Variants in ARID1B observed in about 807,000 individuals in gnomAD.
ARID1B encodes AT-rich interaction domain 1B.
Under a neutral mutation model 212.3 loss-of-function variants are expected in ARID1B, and 30 were observed. That is an observed-to-expected ratio of 0.14 (90% CI 0.11 to 0.19). The LOEUF (loss-of-function observed/expected upper bound fraction) is 0.19, where lower values mean the gene tolerates loss of function less well. ARID1B is among the 10% of genes least tolerant of loss of function. The pLI is 1.00. For synonymous variants in ARID1B, 1,402 were observed against 1,301.7 expected (o/e 1.08, Z -1.66); for missense variants, 2,891 against 3,204.0 (o/e 0.90, Z 2.36).
intron 4 of ARID1B, among the ~76,000 whole-genome samples, chr6:156,983,362 T>G (rs909821974): frequency 6.6e-6 from 1 of 152,048 alleles, no homozygotes; most frequent in Non-Finnish European, 1.5e-5. Flanking sequence ...ACCACTACAC[T>G]CCAGCCTGGG....
At chr6:157,192,368 G>A (rs1793442394) in intron 15 of ARID1B, among the ~76,000 whole-genome samples, 2 of 152,050 alleles carry the variant, frequency 1.3e-5, no homozygotes, top group African/African-American at 4.8e-5. Flanking sequence ...GTGTCCTCAT[G>A]CCTAGAATTT....
At chr6:156,971,803 C>T (rs569261335) in intron 4 of ARID1B, among the ~76,000 whole-genome samples, 1 of 152,170 alleles carries the variant, frequency 6.6e-6, no homozygotes, top group African/African-American at 2.4e-5. Context: ...AAGGAGCTCT[C>T]CTGCTTAGAA....
intron 2 of ARID1B, among the ~76,000 whole-genome samples, chr6:156,885,515 T>A (rs2128176747): frequency 6.6e-6 from 1 of 152,296 alleles, no homozygotes; most frequent in East Asian, 1.9e-4. Context: ...TGCCCTTGGG[T>A]GTCTTTCTGT....
In ARID1B at chr6:157,073,302, C is replaced by T. The variant is rs113160939; in HGVS notation, c.2248-11360C>T. 5.6e-3 allele frequency among the ~76,000 whole-genome samples: 849 copies of T among 152,180 alleles called. 3 individuals carry two copies. The highest frequency in any genetic ancestry group is 0.019 in the African/African-American group (798 of 41,504). On this transcript the variant is annotated intron_variant, in intron 4 of 19. Coordinates refer to ENST00000636930, the MANE Select transcript of ARID1B (RefSeq NM_001374828.1). Reference sequence around the variant, plus strand: ...TAGTTTTAGTAGAGACAGGGTTTCACCGTGTTGGCCAGGCTGGCCTCAAAC... The same window carrying T: ...TAGTTTTAGTAGAGACAGGGTTTCATCGTGTTGGCCAGGCTGGCCTCAAAC...
chr6:156,993,084 C>A (rs1206711862), intron 4 of ARID1B, among the ~76,000 whole-genome samples: 1 of 147,724 alleles, frequency 6.8e-6, no homozygotes, highest in African/African-American at 2.5e-5. Context: ...CTCTCTGTGG[C>A]CAGGCTGGAG....
At chr6:157,036,135 T>C in intron 4 of ARID1B, among the ~76,000 whole-genome samples, 1 of 152,182 alleles carries the variant, frequency 6.6e-6, no homozygotes, top group East Asian at 1.9e-4. Context: ...TACTTTGCAA[T>C]AGTCAAAGTT....
chr6:156,892,994 G>A (rs1788059021), intron 2 of ARID1B, among the ~76,000 whole-genome samples: 1 of 150,154 alleles, frequency 6.7e-6, no homozygotes, highest in Admixed American at 6.6e-5. Flanking sequence ...AGACCTAAGT[G>A]TGTAAGAGCT....
chr6:156,881,759 C>T (rs1214066715), intron 2 of ARID1B, among the ~76,000 whole-genome samples: 6 of 152,114 alleles, frequency 3.9e-5, no homozygotes, highest in Admixed American at 1.3e-4. Flanking sequence ...CTACAGTATT[C>T]GATTTGGGGT....
At chr6:157,113,421 T>C (rs1787080589) in intron 6 of ARID1B, among the ~76,000 whole-genome samples, 2 of 152,202 alleles carry the variant, frequency 1.3e-5, no homozygotes, top group South Asian at 4.1e-4. Flanking sequence ...TGACTCATAG[T>C]CCTGCAGGCT....
intron 4 of ARID1B, among the ~76,000 whole-genome samples, chr6:156,946,622 TGA>T (rs1793173933): frequency 6.6e-6 from 1 of 151,760 alleles, no homozygotes; most frequent in African/African-American, 2.4e-5. Flanking sequence ...GGACACAACT[TGA>T]GAGTGTTAGC....
At chr6:156,934,912 T>TTTTATATATATA (rs1313755694) in intron 3 of ARID1B, among the ~76,000 whole-genome samples, 3 of 52,694 alleles carry the variant, frequency 5.7e-5, no homozygotes, top group African/African-American at 1.5e-4. Flanking sequence ...TAGTTGTTAA[T>TTTTATATATATA]TATATATATA....
At chr6:157,178,658 A>C (rs139040519) in intron 11 of ARID1B, among the ~76,000 whole-genome samples, 2 of 152,234 alleles carry the variant, frequency 1.3e-5, no homozygotes, top group Non-Finnish European at 2.9e-5. Context: ...TCTCTTAGAA[A>C]GTATCTTCAT....
At chr6:156,946,203 GAA>G (rs58722867) in intron 4 of ARID1B, among the ~76,000 whole-genome samples, 6,423 of 127,948 alleles carry the variant, frequency 0.05, 166 homozygotes, top group Middle Eastern at 0.078. Flanking sequence ...CTAAAAATAC[GAA>G]AAAAAAAAAA....
chr6:157,021,599 T>C (rs1018475167), intron 4 of ARID1B, among the ~76,000 whole-genome samples: 17 of 152,128 alleles, frequency 1.1e-4, no homozygotes, highest in African/African-American at 1.4e-4. Flanking sequence ...CTGAACAGGC[T>C]CGGACTCCTC....
intron 4 of ARID1B, among the ~76,000 whole-genome samples, chr6:157,048,443 C>G (rs1782383650): frequency 6.6e-6 from 1 of 152,126 alleles, no homozygotes; most frequent in African/African-American, 2.4e-5. Context: ...ATGCAGAGCT[C>G]TGGAAGTGAT....
chr6:156,890,349 C>T (rs1787826534), intron 2 of ARID1B, among the ~76,000 whole-genome samples: 1 of 152,114 alleles, frequency 6.6e-6, no homozygotes, highest in African/African-American at 2.4e-5. Flanking sequence ...ATCGTGTGTA[C>T]CCTTCTAAGT....
intron 1 of ARID1B, 108 bp from the exon 2 acceptor site, chr6:156,829,119 A>T: frequency 1.1e-6 from 1 of 902,932 alleles, no homozygotes; most frequent in Non-Finnish European, 1.6e-6. Context: ...TAATATTTTT[A>T]AAACTTAAGG....
intron 4 of ARID1B, among the ~76,000 whole-genome samples, chr6:157,061,234 A>G (rs1783323581): frequency 6.6e-6 from 1 of 152,198 alleles, no homozygotes; most frequent in African/African-American, 2.4e-5. Context: ...GCCTGGCTGC[A>G]TTTGAATTTA....
chr6:157,038,733 A>AT (rs1781497243), intron 4 of ARID1B, among the ~76,000 whole-genome samples: 1 of 152,152 alleles, frequency 6.6e-6, no homozygotes. Context: ...TGCATTTTTA[A>AT]TAGACCTGTA....
Sources: allele counts gnomAD v4.1 joint callset (sites outside exome capture counted in the v4.1 genomes callset), GRCh38; gene constraint gnomAD v4.1.1; transcripts MANE v1.5; gene names NCBI Gene and HGNC (gene_info 2026-07-23, HGNC 2026-07-21).